The following ZNF705G variants were observed in gnomAD, a reference collection of about 807,000 sequenced individuals.
The protein encoded by ZNF705G is putative zinc finger protein 705G.
A neutral mutation model predicts 19.6 loss-of-function variants in ZNF705G; 23 were observed. The ratio of observed to expected loss-of-function variants is 1.17; its 90% CI spans 0.84 to 1.66. The LOEUF is 1.66. Ranked by LOEUF, ZNF705G falls within the 40% of genes most tolerant of loss-of-function variation. The pLI is 0.00. For synonymous variants in ZNF705G, 146 were observed against 117.7 expected, an observed-to-expected ratio of 1.24 and a Z score of -1.56; for missense variants, 457 against 354.4, an observed-to-expected ratio of 1.29 and a Z score of -2.32.
Position 7,355,885 on chromosome 8 carries a change from C to T in ZNF705G, c.*2091G>A, listed in dbSNP as rs1422546774. ...GGGCTTGAATTTCTTGCTCATTATC[C>T]TCACACTTGACATAAACCCTGGCTG... On this transcript the variant is annotated 3_prime_UTR_variant, in exon 7 of 7. Coordinates refer to ENST00000400156, the MANE Select transcript of ZNF705G (RefSeq NM_001164457.3). 5 of 149,596 alleles carry T rather than the reference C, an allele frequency of 3.3e-5. No individual in the cohort carries two copies. Among genetic ancestry groups the T allele is most frequent in the Admixed American group, 1.3e-4 (2 of 15,220 alleles). 9.3% of individuals were successfully genotyped at this position (149,596 alleles called of 1,614,324 possible). A position where few individuals can be genotyped will look rare whatever the true frequency, so the allele number is the denominator to read the frequency against.
intron 2 of ZNF705G, among the ~76,000 whole-genome samples, chr8:7,379,418 A>G (rs1306044822): frequency 2.7e-5 from 4 of 147,456 alleles, no homozygotes; most frequent in Admixed American, 2.6e-4. Context: ...CACATAGAAT[A>G]TTATCCTCTC....
chr8:7,377,970 A>AAAAAAAAAG (rs1807313335), intron 2 of ZNF705G, among the ~76,000 whole-genome samples: 1 of 110,162 alleles, frequency 9.1e-6, no homozygotes, highest in Non-Finnish European at 1.9e-5. Flanking sequence ...AAAAAAAAAA[A>AAAAAAAAAG]AAAAAAAAGT....
In ZNF705G at chr8:7,356,351, T is replaced by A. The variant is rs866283392; in HGVS notation, c.*1625A>T. Reference sequence around the variant, plus strand: ...GAATAAAATGTGGGGTGTTATGAGATGAACTGCTACTTCCAGTTAGAGAGG... The same window carrying A: ...GAATAAAATGTGGGGTGTTATGAGAAGAACTGCTACTTCCAGTTAGAGAGG... On this transcript the variant is annotated 3_prime_UTR_variant, in exon 7 of 7. Coordinates refer to ENST00000400156, the MANE Select transcript of ZNF705G (RefSeq NM_001164457.3). 1 of 149,778 alleles carries A rather than the reference T, an allele frequency of 6.7e-6. No homozygotes were observed. The highest frequency in any genetic ancestry group is 1.5e-5 in the Non-Finnish European group (1 of 68,210). 9.3% of individuals were successfully genotyped at this position (149,778 alleles called of 1,614,324 possible).
chr8:7,376,736 T>A (rs1469004403), intron 2 of ZNF705G, among the ~76,000 whole-genome samples: 2 of 150,234 alleles, frequency 1.3e-5, no homozygotes, highest in South Asian at 2.1e-4. Context: ...GGCACAGATA[T>A]ATTTATGTAT....
intron 2 of ZNF705G, among the ~76,000 whole-genome samples, chr8:7,376,529 C>G (rs2698891): frequency 0.35 from 35,933 of 101,642 alleles, 4,472 homozygotes; most frequent in South Asian, 0.41. Flanking sequence ...TGTGGCCTAT[C>G]CCCAGAGCGG....
At chr8:7,379,870 A>AT (rs1807410874) in intron 2 of ZNF705G, among the ~76,000 whole-genome samples, 2 of 145,954 alleles carry the variant, frequency 1.4e-5, no homozygotes, top group Non-Finnish European at 2.9e-5. Context: ...CACAATGCCA[A>AT]TTTGAGAGCC....
chr8:7,385,084 A>T (rs553979388), intron 1 of ZNF705G, among the ~76,000 whole-genome samples: 1 of 147,748 alleles, frequency 6.8e-6, no homozygotes, highest in South Asian at 2.1e-4. Context: ...TGTGTTTGAC[A>T]GCAATAGAGC....
intron 2 of ZNF705G, among the ~76,000 whole-genome samples, chr8:7,380,979 G>A (rs1386024622): frequency 9.8e-6 from 1 of 101,990 alleles, no homozygotes; most frequent in Non-Finnish European, 1.7e-5. Flanking sequence ...TTGTGCCACT[G>A]CACTGCAGCC....
rs1198031288 is a variant in ZNF705G at position 7,355,838 on chromosome 8, G to A, written c.*2138C>T. The A allele has an allele frequency of 3.3e-5, 5 of 149,572 alleles. No individual in the cohort carries two copies. The highest frequency in any genetic ancestry group is 1.3e-4 in the Admixed American group (2 of 15,220). The allele number at this position is 149,572 out of a possible 1,614,324, so 9.3% of individuals were successfully genotyped here. A position where few individuals can be genotyped will look rare whatever the true frequency, so the allele number is the denominator to read the frequency against. On this transcript the variant is annotated 3_prime_UTR_variant, in exon 7 of 7. Coordinates refer to ENST00000400156, the MANE Select transcript of ZNF705G (RefSeq NM_001164457.3). ...TGAGCTCTGCCTGGACACAGTCCTTGCCTCTCCAACCAGTTTGCCAAGGGC... is the reference window on the plus strand; with the variant it reads ...TGAGCTCTGCCTGGACACAGTCCTTACCTCTCCAACCAGTTTGCCAAGGGC...
rs1425086774 is a variant in ZNF705G at position 7,380,809 on chromosome 8, C to T, written c.-72+643G>A. Among the ~76,000 whole-genome samples the T allele has an allele frequency of 1.3e-4, 19 of 145,042 alleles. 1 individual carries two copies. Among genetic ancestry groups the T allele is most frequent in the African/African-American group, 1.4e-4 (5 of 35,102 alleles). ...CTGAGGGGGGCAGATCACCCGAGGT[C>T]GGGAGTTCAAGACCAGCCTGACCAA... is the stretch of plus-strand genomic sequence containing the variant. On this transcript the variant is annotated intron_variant, in intron 2 of 6. Transcript: ENST00000400156.
rs546404875 is a variant in ZNF705G at position 7,363,012 on chromosome 8, G to A, written c.-66C>T. The stretch of plus-strand genomic sequence containing the variant: ...CACTTGCAGACACTTTAGGCACTAA[G>A]AAAAGCTGAGGTTGGAGAAAGAACA... On this transcript the variant is annotated 5_prime_UTR_variant, in exon 3 of 7. Coordinates refer to ENST00000400156, the MANE Select transcript of ZNF705G (RefSeq NM_001164457.3). 1 of 1,572,474 alleles carries A rather than the reference G, an allele frequency of 6.4e-7. No homozygotes were observed. The highest frequency in any genetic ancestry group is 2.2e-5 in the East Asian group (1 of 44,718).
intron 2 of ZNF705G, among the ~76,000 whole-genome samples, chr8:7,364,080 C>T (rs1258798552): frequency 2.0e-5 from 3 of 149,396 alleles, no homozygotes; most frequent in Non-Finnish European, 4.4e-5. Flanking sequence ...ATCTAAAATT[C>T]TTGCAATCAT....
At chr8:7,365,056 C>A (rs1585415266) in intron 2 of ZNF705G, among the ~76,000 whole-genome samples, 1 of 149,558 alleles carries the variant, frequency 6.7e-6, no homozygotes, top group East Asian at 1.9e-4. Context: ...TGGTCATATA[C>A]AGACTGTGCC....
chr8:7,361,182 T>C lies in ZNF705G; in HGVS notation c.67A>G (p.Met23Val), dbSNP rs770279932. 6 of 1,593,070 alleles carry C rather than the reference T, an allele frequency of 3.8e-6. No individual in the cohort carries two copies. The highest frequency in any genetic ancestry group is 2.8e-5 in the African/African-American group (2 of 70,920). Reference protein sequence around the residue: ...AIDFTQEEWAMMDTSKRKLYR... With the variant: ...AIDFTQEEWAVMDTSKRKLYR... ...AGCTTTCTCTTGGATGTGTCCATCA[T>C]GGCCCACTCTTCCTGGGTGAAGTCA... Residue 23 changes from methionine (M) to valine (V), a missense_variant, in exon 4 of 7, where the codon ATG becomes GTG. Met to Val is a conservative substitution (Grantham distance 21). Coordinates refer to ENST00000400156, the MANE Select transcript of ZNF705G (RefSeq NM_001164457.3).
chr8:7,364,439 C>G (rs937878940), intron 2 of ZNF705G, among the ~76,000 whole-genome samples: 2 of 149,532 alleles, frequency 1.3e-5, no homozygotes, highest in African/African-American at 2.6e-5. Flanking sequence ...TTATTTAACC[C>G]TCATAATAAC....
At chr8:7,370,536 G>A (rs1282950031) in intron 2 of ZNF705G, among the ~76,000 whole-genome samples, 1 of 147,898 alleles carries the variant, frequency 6.8e-6, no homozygotes, top group African/African-American at 2.7e-5. Context: ...ACAGTATGAA[G>A]GTTTCTCAAA....
At chr8:7,383,908 A>T (rs1287602807) in intron 1 of ZNF705G, among the ~76,000 whole-genome samples, 5 of 142,580 alleles carry the variant, frequency 3.5e-5, no homozygotes, top group African/African-American at 5.9e-5. Context: ...AAATGGACTA[A>T]GGCAGGAAGG....
chr8:7,369,005 G>T (rs1357317340), intron 2 of ZNF705G, among the ~76,000 whole-genome samples: 1 of 149,656 alleles, frequency 6.7e-6, no homozygotes, highest in Non-Finnish European at 1.5e-5. Flanking sequence ...CCACATGGCT[G>T]GGGGGAGGCA....
Position 7,358,045 on chromosome 8 carries a change from G to A in ZNF705G, c.834C>T (p.His278=). The A allele has an allele frequency of 6.2e-7, 1 of 1,608,768 alleles. No homozygotes were observed. The highest frequency in any genetic ancestry group is 1.4e-5 in the African/African-American group (1 of 71,312). ...SSGFRGNKII[H]TGEKPHACLL... ...GACAAGCATGTGGTTTCTCTCCAGT[G>A]TGAATTATTTTGTTTCCTCTAAAGC... is the stretch of plus-strand genomic sequence containing the variant. Residue 278 remains histidine, a synonymous_variant, in exon 7 of 7, where the codon CAC becomes CAT. Transcript: ENST00000400156.
Sources: gnomAD v4.1 joint callset for allele counts (sites outside exome capture counted in the v4.1 genomes callset) on GRCh38, gnomAD v4.1.1 for gene constraint, MANE v1.5 for transcripts, NCBI Gene and HGNC (gene_info 2026-07-23, HGNC 2026-07-21) for gene names.